Variants in CNTLN observed in about 807,000 individuals in gnomAD.
CNTLN encodes centlein, centrosomal protein.
A neutral mutation model predicts 180.0 loss-of-function variants in CNTLN; 212 were observed. The observed-to-expected ratio is 1.18, with a 90% CI of 1.05 to 1.32. The LOEUF (loss-of-function observed/expected upper bound fraction) is 1.32, where lower values mean the gene tolerates loss of function less well. Among genes scored for constraint, CNTLN ranks in the 40% most tolerant of loss-of-function variants. The pLI is 0.00. For missense variants in CNTLN, 2,095 were observed against 1,610.9 expected (o/e 1.30, Z -5.14); for synonymous variants, 722 against 563.1 (o/e 1.28, Z -3.99).
At chr9:17,343,627 G>T (rs1821654819) in intron 12 of CNTLN, among the ~76,000 whole-genome samples, 1 of 152,108 alleles carries the variant, frequency 6.6e-6, no homozygotes, top group African/African-American at 2.4e-5. Context: ...TAGACTCATA[G>T]ATTTGTCTCA....
At chr9:17,144,344 C>G (rs1023383304) in intron 2 of CNTLN, among the ~76,000 whole-genome samples, 1 of 152,088 alleles carries the variant, frequency 6.6e-6, no homozygotes, top group Non-Finnish European at 1.5e-5. Flanking sequence ...AGAATTAAGT[C>G]TTTTGTTGAA....
At chr9:17,187,652 A>T (rs1821515616) in intron 2 of CNTLN, among the ~76,000 whole-genome samples, 1 of 151,496 alleles carries the variant, frequency 6.6e-6, no homozygotes, top group Non-Finnish European at 1.5e-5. Flanking sequence ...TGCTTTGAAA[A>T]CTTTATTTTT....
chr9:17,347,189 G>A (rs1587724978), intron 12 of CNTLN, among the ~76,000 whole-genome samples: 1 of 152,080 alleles, frequency 6.6e-6, no homozygotes, highest in Non-Finnish European at 1.5e-5. Context: ...AAGTAATTCC[G>A]ACATGTGTTA....
At chr9:17,325,793 C>G (rs1043712032) in intron 8 of CNTLN, among the ~76,000 whole-genome samples, 1 of 151,644 alleles carries the variant, frequency 6.6e-6, no homozygotes, top group South Asian at 2.1e-4. Context: ...CACTTTTTTG[C>G]TAAATGCTAA....
At chr9:17,351,761 G>A (rs943947996) in intron 12 of CNTLN, among the ~76,000 whole-genome samples, 2 of 152,128 alleles carry the variant, frequency 1.3e-5, no homozygotes, top group Admixed American at 6.5e-5. Context: ...CAGTGCTGCA[G>A]ATTGACCTTT....
At chr9:17,512,909 C>G in the CNTLN span, among the ~76,000 whole-genome samples, 2 of 152,098 alleles carry the variant, frequency 1.3e-5, no homozygotes, top group Non-Finnish European at 2.9e-5. Context: ...CTCCGCCTCC[C>G]GGGTTCACGC....
At position 17,338,074 on chromosome 9, in the gene CNTLN, T is replaced by A. The variant is rs571794946; in HGVS notation, c.1645-2753T>A. Among the ~76,000 whole-genome samples the A allele has an allele frequency of 3.3e-5, 5 of 152,202 alleles. No homozygotes were observed. In the East Asian group the frequency reaches 7.7e-4, roughly 23 times the overall value. ...AGTTTAAGTTTCTTTTGAAATTATG[T>A]TTTGACATGAATCTCTTCCAATATA... On this transcript the variant is annotated intron_variant, in intron 10 of 25. Coordinates refer to ENST00000380647, the MANE Select transcript of CNTLN (RefSeq NM_017738.4).
chr9:17,369,986 G>GA (rs113484510), intron 13 of CNTLN, among the ~76,000 whole-genome samples: 3,176 of 109,826 alleles, frequency 0.029, 104 homozygotes, highest in African/African-American at 0.07. Flanking sequence ...ACTCCATCTC[G>GA]AAAAAAAAAA....
intron 13 of CNTLN, among the ~76,000 whole-genome samples, chr9:17,379,259 G>GT (rs532880131): frequency 2.8e-4 from 42 of 148,618 alleles, no homozygotes; most frequent in South Asian, 1.9e-3. Flanking sequence ...CCTTTTGGAT[G>GT]TTTTTTTTTT....
chr9:17,294,937 A>G (rs1389825400), intron 6 of CNTLN, among the ~76,000 whole-genome samples: 182 of 83,366 alleles, frequency 2.2e-3, no homozygotes, highest in South Asian at 3.4e-3. Flanking sequence ...AGGGCGGGGG[A>G]GGCTCAGGCA....
At chr9:17,507,079 A>G (rs1422591390), downstream of CNTLN, among the ~76,000 whole-genome samples, 1 of 152,108 alleles carries the variant, frequency 6.6e-6, no homozygotes, top group South Asian at 2.1e-4. Flanking sequence ...TGAGTTTCTA[A>G]TAATCTCATC....
At chr9:17,192,405 A>G (rs947496332) in intron 2 of CNTLN, among the ~76,000 whole-genome samples, 1 of 151,828 alleles carries the variant, frequency 6.6e-6, no homozygotes. Flanking sequence ...TGCCCGGCTA[A>G]TTTTTGTATT....
At chr9:17,388,493 G>T (rs1187677440) in intron 14 of CNTLN, among the ~76,000 whole-genome samples, 1 of 151,968 alleles carries the variant, frequency 6.6e-6, no homozygotes, top group Admixed American at 6.6e-5. Context: ...AAGGTGAAAT[G>T]GAGAGAATGA....
intron 2 of CNTLN, chr9:17,166,996 G>C: frequency 3.2e-6 from 1 of 313,884 alleles, no homozygotes; most frequent in South Asian, 2.9e-5. Flanking sequence ...GACTACAGCA[G>C]TTCTTTAAGA....
chr9:17,269,074 G>C (rs1827739887), intron 5 of CNTLN, among the ~76,000 whole-genome samples: 1 of 152,090 alleles, frequency 6.6e-6, no homozygotes, highest in African/African-American at 2.4e-5. Flanking sequence ...ACTCCCTAGT[G>C]AGATGAACCC....
intron 2 of CNTLN, among the ~76,000 whole-genome samples, chr9:17,191,000 C>A (rs1434749867): frequency 1.3e-5 from 2 of 152,198 alleles, no homozygotes; most frequent in Non-Finnish European, 2.9e-5. Context: ...TACTACCTCT[C>A]ATTTTTTCAT....
chr9:17,180,868 C>T (rs1443182414), intron 2 of CNTLN, among the ~76,000 whole-genome samples: 2 of 152,028 alleles, frequency 1.3e-5, no homozygotes, highest in Non-Finnish European at 2.9e-5. Context: ...TTGAAAAATG[C>T]CATGCCCCTT....
At chr9:17,477,548 G>A (rs1832417618) in intron 23 of CNTLN, among the ~76,000 whole-genome samples, 1 of 152,178 alleles carries the variant, frequency 6.6e-6, no homozygotes, top group African/African-American at 2.4e-5. Flanking sequence ...GTTTGGAGAA[G>A]TTTGTTCCAA....
At chr9:17,281,469 C>T (rs1470819036) in intron 6 of CNTLN, among the ~76,000 whole-genome samples, 1 of 151,982 alleles carries the variant, frequency 6.6e-6, no homozygotes, top group East Asian at 1.9e-4. Context: ...ACTGACAGGC[C>T]CCAGTGTGTA....
Sources: allele counts gnomAD v4.1 joint callset (sites outside exome capture counted in the v4.1 genomes callset), GRCh38; gene constraint gnomAD v4.1.1; transcripts MANE v1.5; gene names NCBI Gene and HGNC (gene_info 2026-07-23, HGNC 2026-07-21).